The following CUTC variants were observed in gnomAD, a reference collection of about 807,000 sequenced individuals.
CUTC encodes the protein cutC copper transporter, also known as copper homeostasis protein cutC homolog.
Under a neutral mutation model 36.2 loss-of-function variants are expected in CUTC, and 27 were observed. The ratio of observed to expected loss-of-function variants is 0.75; its 90% CI spans 0.55 to 1.03. The LOEUF (loss-of-function observed/expected upper bound fraction) is 1.03, where lower values mean the gene tolerates loss of function less well. CUTC is among the 50% of genes least tolerant of loss of function. CUTC has a pLI of 0.00. For missense variants in CUTC, 315 were observed against 343.5 expected (o/e 0.92, Z 0.66); for synonymous variants, 114 against 118.3 (o/e 0.96, Z 0.24).
At position 99,736,394 on chromosome 10, in the gene CUTC, A is replaced by G. The variant is rs1479894140; in HGVS notation, c.133+77A>G. 3 of 1,079,902 alleles carry G rather than the reference A, an allele frequency of 2.8e-6. No homozygotes were observed. The Admixed American group carries it at 5.4e-5, about 19-fold the overall frequency. The allele number at this position is 1,079,902 out of a possible 1,614,324, so 66.9% of individuals were successfully genotyped here. On this transcript the variant is annotated intron_variant, in intron 2 of 8. Coordinates refer to ENST00000370476, the MANE Select transcript of CUTC (RefSeq NM_015960.3). ...AAAATTAATCCTGTGTGCTTATCTCAGAAGCCCTTGTGATCTCTAAGCATC... is the reference window on the plus strand; with the variant it reads ...AAAATTAATCCTGTGTGCTTATCTCGGAAGCCCTTGTGATCTCTAAGCATC...
intron 3 of CUTC, 87 bp from the exon 4 acceptor site, chr10:99,743,066 G>A: frequency 7.8e-7 from 1 of 1,289,152 alleles, no homozygotes; most frequent in East Asian, 2.3e-5. Context: ...CTACCTTTTA[G>A]AGCCATCTTT....
At position 99,754,612 on chromosome 10, in the gene CUTC, A is replaced by G; in HGVS notation, c.685A>G (p.Arg229Gly). 1 of 1,612,180 alleles carries G rather than the reference A, an allele frequency of 6.2e-7. No homozygotes were observed. The highest frequency in any genetic ancestry group is 8.5e-7 in the Non-Finnish European group (1 of 1,178,590). Residue 229 changes from arginine (R) to glycine (G), a missense_variant, in exon 8 of 9, where the codon AGA becomes GGA. By Grantham distance (125) the Arg-to-Gly change is moderately radical. Transcript: ENST00000370476. ...TEFHCSARSTRDSGMKFRNSS... is the reference protein window; with the variant it reads ...TEFHCSARSTGDSGMKFRNSS... ...ATTCCACTGTTCTGCTCGGTCTACTAGAGACTCGGGAATGAAGTTTCGGTA... is the reference window on the plus strand; with the variant it reads ...ATTCCACTGTTCTGCTCGGTCTACTGGAGACTCGGGAATGAAGTTTCGGTA...
At chr10:99,748,118 C>T (rs761105478) in intron 6 of CUTC, among the ~76,000 whole-genome samples, 2 of 152,020 alleles carry the variant, frequency 1.3e-5, no homozygotes, top group African/African-American at 2.4e-5. Context: ...GAGAGTTGAG[C>T]GTTTGAGACT....
chr10:99,737,919 C>T lies in CUTC; in HGVS notation c.133+1602C>T, dbSNP rs1428647209. 3.9e-5 allele frequency among the ~76,000 whole-genome samples: 6 copies of T among 152,196 alleles called. No homozygotes were observed. In the South Asian group the frequency reaches 6.2e-4, roughly 16 times the overall value. ...ATCCCAGCACTTTGGGAGGCCGAGG[C>T]GGGCGGATCACCTGAGGTCGGGAGT... On this transcript the variant is annotated intron_variant, in intron 2 of 8. Transcript: ENST00000370476.
chr10:99,738,416 G>A (rs2037314797), intron 2 of CUTC, among the ~76,000 whole-genome samples: 1 of 151,682 alleles, frequency 6.6e-6, no homozygotes, highest in Admixed American at 6.6e-5. Flanking sequence ...GTGTGTGTGT[G>A]TGTGTGTGTG....
intron 2 of CUTC, among the ~76,000 whole-genome samples, chr10:99,738,232 T>A (rs1425202400): frequency 6.6e-6 from 1 of 152,082 alleles, no homozygotes; most frequent in Admixed American, 6.6e-5. Flanking sequence ...ATATAAGAAA[T>A]CCATAAATAA....
intron 7 of CUTC, among the ~76,000 whole-genome samples, chr10:99,753,274 G>GT (rs2037432527): frequency 6.6e-6 from 1 of 152,210 alleles, no homozygotes. Context: ...GAGGTAGCCA[G>GT]TATTATCCCT....
At chr10:99,742,383 A>G (rs1308792246) in intron 3 of CUTC, among the ~76,000 whole-genome samples, 2 of 152,120 alleles carry the variant, frequency 1.3e-5, no homozygotes, top group Non-Finnish European at 2.9e-5. Flanking sequence ...TGGAATCTTC[A>G]CATGAAAAGA....
chr10:99,735,486 C>T (rs1225917738), intron 1 of CUTC, among the ~76,000 whole-genome samples: 1 of 152,174 alleles, frequency 6.6e-6, no homozygotes, highest in African/African-American at 2.4e-5. Flanking sequence ...TGGCTCACTG[C>T]AACCTCCACC....
intron 2 of CUTC, 26 bp from the exon 3 acceptor site, chr10:99,739,684 T>C: frequency 1.2e-6 from 2 of 1,603,226 alleles, no homozygotes; most frequent in African/African-American, 1.3e-5. Flanking sequence ...TTTAAAAATG[T>C]GTTGAGCAAT....
At chr10:99,736,445 A>G (rs2037297981) in intron 2 of CUTC, 128 bp downstream of exon 2, 1 of 650,850 alleles carries the variant, frequency 1.5e-6, no homozygotes, top group Non-Finnish European at 2.6e-6. Flanking sequence ...AGAAACAACC[A>G]ATTAGAAACC....
In CUTC at chr10:99,755,811, A is replaced by G; in HGVS notation, c.*72A>G. The G allele has an allele frequency of 1.0e-6, 1 of 968,942 alleles. No individual in the cohort carries two copies. Among genetic ancestry groups the G allele is most frequent in the Non-Finnish European group, 1.6e-6 (1 of 614,056 alleles). 60.0% of individuals were successfully genotyped at this position (968,942 alleles called of 1,614,324 possible). A position where few individuals can be genotyped will look rare whatever the true frequency, so the allele number is the denominator to read the frequency against. On this transcript the variant is annotated 3_prime_UTR_variant, in exon 9 of 9. Transcript: ENST00000370476. ...TATAATCTGCAATTCTCTATGACAC[A>G]GCTTTAACCTTCTTCTCTGGCCAGG...
At chr10:99,750,255 T>C in intron 6 of CUTC, 114 bp from the exon 7 acceptor site, 1 of 580,620 alleles carries the variant, frequency 1.7e-6, no homozygotes. Flanking sequence ...TAAACATTAA[T>C]AGTAATTTTT....
chr10:99,732,364 G>C lies in CUTC; in HGVS notation c.16G>C (p.Ala6Pro), dbSNP rs902864447. Residue 6 changes from alanine to proline, a missense_variant, in exon 1 of 9, where the codon GCC (alanine) becomes CCC (proline). By Grantham distance (27) the Ala-to-Pro change is conservative. Coordinates refer to ENST00000370476, the MANE Select transcript of CUTC (RefSeq NM_015960.3). The part of the protein sequence containing the change: MKRQG[A>P]SSERKRARIP... ...CGCGTGGAGCATGAAAAGGCAGGGG[G>C]CCTCCTCTGAGCGAAAACGAGCGCG... 1.3e-6 allele frequency: 2 copies of C among 1,553,102 alleles called. No individual in the cohort carries two copies. The highest frequency in any genetic ancestry group is 8.7e-7 in the Non-Finnish European group (1 of 1,148,122).
chr10:99,742,744 C>T (rs2037350251), intron 3 of CUTC, among the ~76,000 whole-genome samples: 1 of 151,544 alleles, frequency 6.6e-6, no homozygotes, highest in South Asian at 2.1e-4. Flanking sequence ...AATGTCTTTG[C>T]CCATTAAAGG....
Position 99,755,635 on chromosome 10 carries a change from G to A in CUTC, c.718G>A (p.Val240Ile). Residue 240 changes from valine (V) to isoleucine (I), a missense_variant, in exon 9 of 9, where the codon GTT (valine) becomes ATT (isoleucine). By Grantham distance (29) the Val-to-Ile change is conservative. Coordinates refer to ENST00000370476, the MANE Select transcript of CUTC (RefSeq NM_015960.3). The part of the protein sequence containing the change: ...DSGMKFRNSS[V>I]AMGASLSCSE... ...TTATTTCTGTTACAGAAATTCATCT[G>A]TTGCCATGGGAGCCTCACTTTCTTG... is the stretch of plus-strand genomic sequence containing the variant. 6.2e-7 allele frequency: 1 copy of A among 1,608,780 alleles called. No individual in the cohort carries two copies. Among genetic ancestry groups the A allele is most frequent in the Non-Finnish European group, 8.5e-7 (1 of 1,175,498 alleles).
Position 99,739,720 on chromosome 10 carries a change from G to A in CUTC, c.144G>A (p.Arg48=). The A allele has an allele frequency of 6.2e-7, 1 of 1,611,032 alleles. No homozygotes were observed. Among genetic ancestry groups the A allele is most frequent in the East Asian group, 2.2e-5 (1 of 44,650 alleles). The part of the protein sequence containing the change: ...AVNAERGGAD[R]IELCSGLSEG... ...GCTTTTATATTACAGGTGCTGATCG[G>A]ATTGAATTATGTTCTGGTTTATCAG... The change falls in exon 3 of 9, where the codon CGG becomes CGA. Residue 48 remains arginine (R), a synonymous_variant. Coordinates refer to ENST00000370476, the MANE Select transcript of CUTC (RefSeq NM_015960.3).
chr10:99,732,294 G>A lies in CUTC; in HGVS notation c.-55G>A, dbSNP rs1446932691. 1.1e-5 allele frequency: 17 copies of A among 1,548,422 alleles called. No individual in the cohort carries two copies. Among genetic ancestry groups the A allele is most frequent in the South Asian group, 2.4e-5 (2 of 83,926 alleles). On this transcript the variant is annotated 5_prime_UTR_variant, in exon 1 of 9. Coordinates refer to ENST00000370476, the MANE Select transcript of CUTC (RefSeq NM_015960.3). ...ACGCGCTTCTTAGCTGGTGCGCGCC[G>A]GAGCCCAAATTCCAAGTGGAAACTG...
At chr10:99,732,947 C>T (rs1231698997) in intron 1 of CUTC, among the ~76,000 whole-genome samples, 1 of 152,210 alleles carries the variant, frequency 6.6e-6, no homozygotes, top group Non-Finnish European at 1.5e-5. Context: ...TGGCAAGTCC[C>T]TCTTCCTCCG....
Sources: gnomAD v4.1 joint callset for allele counts (sites outside exome capture counted in the v4.1 genomes callset) on GRCh38, gnomAD v4.1.1 for gene constraint, MANE v1.5 for transcripts, NCBI Gene and HGNC (gene_info 2026-07-23, HGNC 2026-07-21) for gene names.